SQOR: variants seen among roughly 807,000 people sequenced by gnomAD.
SQOR encodes the protein sulfide:quinone oxidoreductase, mitochondrial.
SQOR carries 39 observed loss-of-function variants against 48.6 expected under a neutral mutation model. That is an observed-to-expected ratio of 0.80 (90% CI 0.62 to 1.05). The LOEUF is 1.05. Ranked by LOEUF, SQOR falls within the 50% of genes least tolerant of loss-of-function variation. SQOR has a pLI of 0.00. For missense variants in SQOR, 561 were observed against 559.9 expected (o/e 1.00, Z -0.02); for synonymous variants, 220 against 206.2 (o/e 1.07, Z -0.57).
intron 4 of SQOR, among the ~76,000 whole-genome samples, chr15:45,671,347 G>A (rs770095153): frequency 3.9e-5 from 6 of 152,000 alleles, no homozygotes; most frequent in Admixed American, 2.6e-4. Flanking sequence ...TAGTAGAGAC[G>A]GAGTTTCACT....
chr15:45,690,364 C>A (rs1337199650), intron 9 of SQOR, among the ~76,000 whole-genome samples: 2 of 152,192 alleles, frequency 1.3e-5, no homozygotes, highest in Non-Finnish European at 2.9e-5. Flanking sequence ...CTGCACCCAG[C>A]CACTCTTCTG....
intron 1 of SQOR, among the ~76,000 whole-genome samples, chr15:45,637,785 T>G (rs1895030731): frequency 6.6e-6 from 1 of 152,216 alleles, no homozygotes; most frequent in Non-Finnish European, 1.5e-5. Flanking sequence ...ATCCGATGTG[T>G]TGTAACACAG....
At chr15:45,689,280 G>A (rs898185730) in intron 9 of SQOR, 63 bp downstream of exon 9, 57 of 1,529,130 alleles carry the variant, frequency 3.7e-5, no homozygotes, top group Non-Finnish European at 4.9e-5. Context: ...CACCCAAAGG[G>A]GATGCAGCCT....
intron 2 of SQOR, among the ~76,000 whole-genome samples, chr15:45,659,861 C>G (rs558397182): frequency 6.6e-6 from 1 of 152,184 alleles, no homozygotes; most frequent in Non-Finnish European, 1.5e-5. Flanking sequence ...CAATTCAACC[C>G]ATGACACTCT....
chr15:45,658,750 C>T (rs551305646), intron 1 of SQOR, among the ~76,000 whole-genome samples, 157 bp from the exon 2 acceptor site: 63 of 152,286 alleles, frequency 4.1e-4, no homozygotes, highest in Non-Finnish European at 7.1e-4. Context: ...CTCAGGAGAC[C>T]TTGGGACCAC....
intron 1 of SQOR, among the ~76,000 whole-genome samples, chr15:45,637,620 G>T (rs181243782): frequency 6.6e-6 from 1 of 152,266 alleles, no homozygotes; most frequent in Non-Finnish European, 1.5e-5. Context: ...ATTTGGAACG[G>T]GGGTGTTTGA....
intron 1 of SQOR, among the ~76,000 whole-genome samples, chr15:45,646,416 G>A (rs1889342444): frequency 6.6e-6 from 1 of 152,194 alleles, no homozygotes; most frequent in Non-Finnish European, 1.5e-5. Flanking sequence ...ACCCTTGAGT[G>A]ACTTCACCTC....
chr15:45,634,610 T>C (rs1372733305), upstream of SQOR: 1 of 152,290 alleles, frequency 6.6e-6, no homozygotes, highest in Non-Finnish European at 1.5e-5. Context: ...TGGGCAGCTG[T>C]GTGAACCCGG....
intron 1 of SQOR, among the ~76,000 whole-genome samples, chr15:45,651,878 C>T (rs1198172743): frequency 1.3e-5 from 2 of 151,748 alleles, no homozygotes; most frequent in Admixed American, 1.3e-4. Context: ...CCTCCTTCTC[C>T]TTCTTCTTCT....
intron 4 of SQOR, among the ~76,000 whole-genome samples, chr15:45,673,333 C>T (rs866578222): frequency 1.3e-5 from 2 of 152,142 alleles, no homozygotes; most frequent in African/African-American, 2.4e-5. Context: ...GTCCTCACTC[C>T]GATGGTGGGA....
In SQOR at chr15:45,661,289, T is replaced by TAGAAAAAA. The variant is rs777334925; in HGVS notation, c.235-666_235-665insAGAAAAAA. On this transcript the variant is annotated intron_variant, in intron 2 of 9. Transcript: ENST00000260324. Reference sequence around the variant, plus strand: ...TGGGGTGATTGGGCGAGACTCTGTCTTAAAAAAAAAAAAAAAAAAAAAAAA... The same window carrying TAGAAAAAA: ...TGGGGTGATTGGGCGAGACTCTGTCTAGAAAAAATAAAAAAAAAAAAAAAAAAAAAAAA... 5.9e-5 allele frequency among the ~76,000 whole-genome samples: 5 copies of TAGAAAAAA among 84,378 alleles called. 1 individual carries two copies. The highest frequency in any genetic ancestry group is 9.2e-5 in the Non-Finnish European group (4 of 43,586). The allele number at this position is 84,378 out of a possible 152,430, so 55.4% of individuals were successfully genotyped here. A position where few individuals can be genotyped will look rare whatever the true frequency, so the allele number is the denominator to read the frequency against.
chr15:45,658,823 C>T, intron 1 of SQOR, 84 bp from the exon 2 acceptor site: 2 of 1,107,058 alleles, frequency 1.8e-6, no homozygotes, highest in Non-Finnish European at 2.5e-6. Flanking sequence ...CAGATGCCGG[C>T]CTCCCTTCCT....
At chr15:45,646,018 G>A (rs899327983) in intron 1 of SQOR, 3 of 152,220 alleles carry the variant, frequency 2.0e-5, no homozygotes, top group Non-Finnish European at 2.9e-5. Flanking sequence ...GGTATTTGTT[G>A]TGATTTACTT....
chr15:45,665,589 T>G (rs1037063677), intron 3 of SQOR, among the ~76,000 whole-genome samples: 2 of 151,904 alleles, frequency 1.3e-5, no homozygotes. Flanking sequence ...TCTGTCTTTT[T>G]TTTTTTTTTT....
intron 1 of SQOR, among the ~76,000 whole-genome samples, chr15:45,655,135 C>G (rs552801085): frequency 6.6e-6 from 1 of 152,208 alleles, no homozygotes; most frequent in South Asian, 2.1e-4. Flanking sequence ...GACTTCCATA[C>G]CCTCACTATC....
In SQOR at chr15:45,673,717, C is replaced by T. The variant is rs1302371507; in HGVS notation, c.570C>T (p.Ala190=). Residue 190 remains alanine (A), a synonymous_variant, in exon 5 of 10, where the codon GCC becomes GCT. Transcript: ENST00000260324. ...TGCAGGACTTCAAAGAGGGCAATGCCATCTTCACCTTCCCAAATACTCCAG... is the reference window on the plus strand; with the variant it reads ...TGCAGGACTTCAAAGAGGGCAATGCTATCTTCACCTTCCCAAATACTCCAG... ...KALQDFKEGN[A]IFTFPNTPVK... is the part of the protein sequence containing the mutation. 6 of 1,614,186 alleles carry T rather than the reference C, an allele frequency of 3.7e-6. No individual in the cohort carries two copies.
upstream of SQOR, among the ~76,000 whole-genome samples, chr15:45,633,218 A>T (rs767110192): frequency 2.0e-5 from 3 of 152,108 alleles, no homozygotes; most frequent in South Asian, 2.1e-4. Context: ...CCAACATTCA[A>T]GTATGCAAAA....
At chr15:45,648,431 C>A (rs1299830225) in intron 1 of SQOR, among the ~76,000 whole-genome samples, 1 of 152,200 alleles carries the variant, frequency 6.6e-6, no homozygotes, top group South Asian at 2.1e-4. Context: ...CCACCTTGGC[C>A]TCGCAAAGTG....
upstream of SQOR, among the ~76,000 whole-genome samples, chr15:45,633,711 A>G (rs541502129): frequency 8.6e-3 from 1,302 of 150,778 alleles, 19 homozygotes; most frequent in African/African-American, 0.031. Context: ...AAAAAAAAAA[A>G]AAGAAGAAGA....
Sources: allele counts gnomAD v4.1 joint callset (sites outside exome capture counted in the v4.1 genomes callset), GRCh38; gene constraint gnomAD v4.1.1; transcripts MANE v1.5; gene names NCBI Gene and HGNC (gene_info 2026-07-23, HGNC 2026-07-21).